ETFDH: variants seen among roughly 807,000 people sequenced by gnomAD.
The protein encoded by ETFDH is electron transfer flavoprotein dehydrogenase.
Under a neutral mutation model 73.2 loss-of-function variants are expected in ETFDH, and 61 were observed. That is an observed-to-expected ratio of 0.83 (90% CI 0.68 to 1.03). ETFDH has a LOEUF of 1.03. Among genes scored for constraint, ETFDH ranks in the 50% least tolerant of loss-of-function variants. ETFDH has a pLI of 0.00. For missense variants in ETFDH, 685 were observed against 745.0 expected (o/e 0.92, Z 0.94); for synonymous variants, 243 against 253.3 (o/e 0.96, Z 0.39).
chr4:158,706,068 A>C, intron 10 of ETFDH, 121 bp from the exon 11 acceptor site: 1 of 732,868 alleles, frequency 1.4e-6, no homozygotes, highest in South Asian at 1.5e-5. Flanking sequence ...GTGACAGAGC[A>C]AGACCTTGTC....
In ETFDH at chr4:158,684,610, G is replaced by A. The variant is rs146982178; in HGVS notation, c.424G>A (p.Val142Ile). Residue 142 changes from valine to isoleucine, a missense_variant, in exon 4 of 13, where the codon GTA becomes ATA. Transcript: ENST00000511912. ...KEKGAPLNTP[V>I]TEDRFGILTE... ...TTTCTAGGCTCCACTTAACACTCCT[G>A]TAACAGAAGACAGATTTGGAATTTT... 5.3e-5 allele frequency: 83 copies of A among 1,573,214 alleles called. No homozygotes were observed. Among genetic ancestry groups the A allele is most frequent in the Admixed American group, 1.7e-5 (1 of 59,942 alleles).
chr4:158,682,130 A>C (rs985679079), intron 2 of ETFDH, 65 bp from the exon 3 acceptor site: 1 of 1,606,974 alleles, frequency 6.2e-7, no homozygotes, highest in African/African-American at 1.3e-5. Context: ...ATATTTTTTA[A>C]CTGTCATGTG....
intron 1 of ETFDH, chr4:158,680,027 G>C (rs1326669870): frequency 7.1e-6 from 1 of 141,494 alleles, no homozygotes; most frequent in African/African-American, 2.7e-5. Flanking sequence ...AGAGGTTGTG[G>C]TGAGCTGAGA....
chr4:158,693,803 T>A (rs1774240174), intron 6 of ETFDH, among the ~76,000 whole-genome samples: 1 of 152,200 alleles, frequency 6.6e-6, no homozygotes. Flanking sequence ...AAGTATACTA[T>A]AAAGTCTGTA....
In ETFDH at chr4:158,695,556, C is replaced by G; in HGVS notation, c.744C>G (p.Cys248Trp). Residue 248 changes from cysteine to tryptophan, a missense_variant, in exon 7 of 13, where the codon TGC (cysteine) becomes TGG (tryptophan). This residue lies in a region of ETFDH where 405 missense variants were observed against 399.3 expected (regional missense o/e 1.01). Transcript: ENST00000511912. ...AAGTCACAATTTTTGCAGAAGGTTG[C>G]CATGGACATCTAGCCAAGCAACTAT... ...HAKVTIFAEG[C>W]HGHLAKQLYK... 6.2e-7 allele frequency: 1 copy of G among 1,611,928 alleles called. No homozygotes were observed. Among genetic ancestry groups the G allele is most frequent in the Non-Finnish European group, 8.5e-7 (1 of 1,178,220 alleles).
chr4:158,676,319 G>A (rs1773710042), intron 1 of ETFDH, among the ~76,000 whole-genome samples: 1 of 152,114 alleles, frequency 6.6e-6, no homozygotes, highest in African/African-American at 2.4e-5. Flanking sequence ...CATCGATCTG[G>A]GTGGTGCCAG....
intron 9 of ETFDH, among the ~76,000 whole-genome samples, chr4:158,702,491 C>T (rs375047137): frequency 6.6e-6 from 1 of 152,006 alleles, no homozygotes; most frequent in African/African-American, 2.4e-5. Context: ...CCATTCCCAT[C>T]CTCTAGTAGC....
At chr4:158,675,805 G>C (rs914563248) in intron 1 of ETFDH, among the ~76,000 whole-genome samples, 3 of 151,172 alleles carry the variant, frequency 2.0e-5, no homozygotes, top group African/African-American at 7.3e-5. Flanking sequence ...GAACATTCAT[G>C]TGCAAGTTTT....
intron 1 of ETFDH, among the ~76,000 whole-genome samples, chr4:158,678,735 A>G (rs1435508403): frequency 1.3e-5 from 2 of 151,766 alleles, no homozygotes; most frequent in Non-Finnish European, 2.9e-5. Flanking sequence ...GTAGCCTCGA[A>G]TTACTGGGCT....
chr4:158,684,480 TAG>T, intron 3 of ETFDH, 110 bp from the exon 4 acceptor site: 1 of 637,422 alleles, frequency 1.6e-6, no homozygotes, highest in East Asian at 2.8e-5. Flanking sequence ...AAAAGAAAAT[TAG>T]GGGGGAGTTC....
chr4:158,708,112 C>CA (rs1281796798), intron 12 of ETFDH, among the ~76,000 whole-genome samples: 1 of 151,858 alleles, frequency 6.6e-6, no homozygotes, highest in African/African-American at 2.4e-5. Context: ...GTGTGGAACT[C>CA]AAACACTCAG....
chr4:158,696,997 A>G (rs1774323896), intron 7 of ETFDH, among the ~76,000 whole-genome samples: 2 of 152,230 alleles, frequency 1.3e-5, no homozygotes, highest in Non-Finnish European at 2.9e-5. Flanking sequence ...TAAAGAGTTC[A>G]TAAGTTTTCT....
At position 158,697,671 on chromosome 4, in the gene ETFDH, G is replaced by A. The variant is rs750458148; in HGVS notation, c.944G>A (p.Gly315Asp). Residue 315 changes from glycine (G) to aspartate (D), a missense_variant, in exon 8 of 13, where the codon GGT becomes GAT. Transcript: ENST00000511912. ...GGSFLYHLNE[G>D]EPLVALGLVV... ...TCTTTCCTCTATCATTTGAATGAAG[G>A]TGAACCCCTAGTAGCTCTTGGTCTT... 4.3e-6 allele frequency: 7 copies of A among 1,613,684 alleles called. No homozygotes were observed. Among genetic ancestry groups the A allele is most frequent in the South Asian group, 2.2e-5 (2 of 91,072 alleles).
intron 1 of ETFDH, among the ~76,000 whole-genome samples, chr4:158,674,318 GT>G (rs375099607): frequency 1.3e-5 from 2 of 151,820 alleles, no homozygotes; most frequent in African/African-American, 2.4e-5. Flanking sequence ...GTTTTTTGGG[GT>G]TTTTTTGACA....
At chr4:158,682,589 A>G (rs1773892709) in intron 3 of ETFDH, among the ~76,000 whole-genome samples, 165 bp downstream of exon 3, 2 of 150,788 alleles carry the variant, frequency 1.3e-5, no homozygotes, top group South Asian at 2.1e-4. Context: ...GCTGGAGTGC[A>G]ATGGCGCGAT....
At chr4:158,703,021 T>C (rs1178568922) in intron 9 of ETFDH, among the ~76,000 whole-genome samples, 1 of 152,198 alleles carries the variant, frequency 6.6e-6, no homozygotes, top group Non-Finnish European at 1.5e-5. Flanking sequence ...TAGGGTGAAA[T>C]GGTATCTCAT....
At chr4:158,703,757 T>C in intron 10 of ETFDH, among the ~76,000 whole-genome samples, 166 bp downstream of exon 10, 1 of 152,220 alleles carries the variant, frequency 6.6e-6, no homozygotes, top group East Asian at 1.9e-4. Context: ...CAGTCAGTGA[T>C]TTTTTACTGT....
intron 1 of ETFDH, among the ~76,000 whole-genome samples, chr4:158,674,364 G>T (rs545706905): frequency 3.9e-5 from 6 of 152,216 alleles, no homozygotes; most frequent in African/African-American, 1.4e-4. Flanking sequence ...GGAGGGCAGT[G>T]ATGTAATCTC....
intron 1 of ETFDH, chr4:158,680,195 C>T (rs1416421674): frequency 1.3e-5 from 4 of 318,812 alleles, no homozygotes; most frequent in Non-Finnish European, 2.4e-5. Flanking sequence ...GATTATACTA[C>T]TCCATATTAC....
Sources: allele counts gnomAD v4.1 joint callset (sites outside exome capture counted in the v4.1 genomes callset), GRCh38; gene constraint gnomAD v4.1.1; regional missense constraint gnomAD v4.1.1; transcripts MANE v1.5; gene names NCBI Gene and HGNC (gene_info 2026-07-23, HGNC 2026-07-21).